Variants in RARB observed in about 807,000 individuals in gnomAD.
The protein encoded by RARB is HBV-activated protein.
A neutral mutation model predicts 51.9 loss-of-function variants in RARB; 17 were observed. That is an observed-to-expected ratio of 0.33 (90% CI 0.22 to 0.49). The LOEUF is 0.49. RARB is among the 20% of genes least tolerant of loss of function. The probability of loss-of-function intolerance (pLI) is 0.99; values close to 1 mark genes in which losing one functional copy is unlikely to be tolerated. For synonymous variants in RARB, 215 were observed against 195.4 expected, an observed-to-expected ratio of 1.10 and a Z score of -0.84; for missense variants, 369 against 550.8, an observed-to-expected ratio of 0.67 and a Z score of 3.30.
chr3:25,188,408 CA>C (rs1701024598), intron 5 of RARB, among the ~76,000 whole-genome samples: 1 of 152,064 alleles, frequency 6.6e-6, no homozygotes, highest in Non-Finnish European at 1.5e-5. Flanking sequence ...TCGGCTGAAC[CA>C]AATATCCTAG....
intron 5 of RARB, among the ~76,000 whole-genome samples, chr3:25,195,230 T>C (rs1451272080): frequency 1.3e-5 from 2 of 152,012 alleles, no homozygotes; most frequent in East Asian, 3.9e-4. Context: ...GATATCCATT[T>C]CTTGGGAGCC....
chr3:24,961,415 G>A (rs954788353), intron 2 of RARB, among the ~76,000 whole-genome samples: 1 of 152,170 alleles, frequency 6.6e-6, no homozygotes, highest in Non-Finnish European at 1.5e-5. Flanking sequence ...CAGCTTCATG[G>A]ATATGAACTG....
At chr3:25,514,904 TA>T (rs1221554850) in intron 3 of RARB, among the ~76,000 whole-genome samples, 2 of 152,226 alleles carry the variant, frequency 1.3e-5, no homozygotes, top group African/African-American at 2.4e-5. Flanking sequence ...AATGTTTGAG[TA>T]GTTTTAAACT....
intron 3 of RARB, among the ~76,000 whole-genome samples, chr3:25,065,783 G>C (rs977119506): frequency 6.6e-6 from 1 of 152,170 alleles, no homozygotes; most frequent in African/African-American, 2.4e-5. Flanking sequence ...ATGTCAAAGG[G>C]CTCACGCATA....
chr3:25,057,944 A>G (rs917521784), intron 2 of RARB, among the ~76,000 whole-genome samples: 5 of 152,020 alleles, frequency 3.3e-5, no homozygotes, highest in Admixed American at 1.3e-4. Flanking sequence ...CTTCTGAACA[A>G]TTATCATTGT....
chr3:24,880,114 T>C (rs1703130175), intron 2 of RARB, among the ~76,000 whole-genome samples: 1 of 152,196 alleles, frequency 6.6e-6, no homozygotes. Flanking sequence ...AATGCTTAAT[T>C]TTTAAAAGCA....
At chr3:25,536,521 G>A (rs1192605968) in intron 3 of RARB, among the ~76,000 whole-genome samples, 2 of 152,012 alleles carry the variant, frequency 1.3e-5, no homozygotes, top group East Asian at 3.9e-4. Flanking sequence ...CTTGAAGGAG[G>A]GTAAAATGTT....
intron 2 of RARB, among the ~76,000 whole-genome samples, chr3:25,058,369 A>T (rs1698482292): frequency 6.6e-6 from 1 of 151,884 alleles, no homozygotes; most frequent in Admixed American, 6.6e-5. Context: ...AAGGGTCTTT[A>T]TAGGTTAAAG....
chr3:24,949,547 G>A (rs2125404900), intron 2 of RARB, among the ~76,000 whole-genome samples: 1 of 152,272 alleles, frequency 6.6e-6, no homozygotes, highest in East Asian at 1.9e-4. Context: ...TGTTGCATTA[G>A]AAAATTTAAA....
intron 5 of RARB, among the ~76,000 whole-genome samples, chr3:25,195,471 G>T (rs965558637): frequency 2.0e-5 from 3 of 151,970 alleles, no homozygotes; most frequent in African/African-American, 7.2e-5. Context: ...AGCACGTGAC[G>T]TCAGCTTGGA....
At chr3:25,507,365 A>G (rs1272960578) in intron 3 of RARB, among the ~76,000 whole-genome samples, 2 of 152,180 alleles carry the variant, frequency 1.3e-5, no homozygotes, top group African/African-American at 4.8e-5. Context: ...TTCAAATCGC[A>G]GTCATTCGTT....
intron 5 of RARB, among the ~76,000 whole-genome samples, chr3:25,330,518 T>G (rs1334875103): frequency 1.3e-5 from 2 of 152,102 alleles, no homozygotes; most frequent in East Asian, 3.9e-4. Context: ...AAGGAAGCAC[T>G]AAACATGGAA....
chr3:25,042,323 T>C (rs1444325340), intron 2 of RARB, among the ~76,000 whole-genome samples: 1 of 152,230 alleles, frequency 6.6e-6, no homozygotes, highest in Non-Finnish European at 1.5e-5. Flanking sequence ...TCAGTGGTGT[T>C]ATTCAAGGCA....
chr3:24,940,634 G>A (rs1239914709), intron 2 of RARB, among the ~76,000 whole-genome samples: 1 of 152,054 alleles, frequency 6.6e-6, no homozygotes, highest in African/African-American at 2.4e-5. Context: ...ACCAAATTGA[G>A]TTCCTGTCCA....
chr3:25,182,074 A>G (rs1374209132), intron 5 of RARB, among the ~76,000 whole-genome samples: 2 of 152,218 alleles, frequency 1.3e-5, no homozygotes, highest in African/African-American at 2.4e-5. Flanking sequence ...TTGGAATTAC[A>G]TGTAGGTGTA....
At chr3:25,545,097 C>G (rs1288001665) in intron 3 of RARB, among the ~76,000 whole-genome samples, 1 of 152,002 alleles carries the variant, frequency 6.6e-6, no homozygotes, top group Non-Finnish European at 1.5e-5. Context: ...AAGTAGCCAC[C>G]ACACCCAGCT....
chr3:25,166,961 C>T (rs1700570532), intron 4 of RARB, among the ~76,000 whole-genome samples: 2 of 152,158 alleles, frequency 1.3e-5, no homozygotes, highest in Admixed American at 1.3e-4. Context: ...TTGACACATC[C>T]CCATGGCATG....
At chr3:24,955,754 G>A (rs1036410397) in intron 2 of RARB, among the ~76,000 whole-genome samples, 2 of 152,140 alleles carry the variant, frequency 1.3e-5, no homozygotes, top group Non-Finnish European at 2.9e-5. Context: ...AGTCATCAGG[G>A]AGAATAAATG....
Position 25,186,885 on chromosome 3 carries a change from CTGTGTGTGTGTGTGTG to C in RARB, c.178+12350_178+12365del, listed in dbSNP as rs71057702. On this transcript the variant is annotated intron_variant, in intron 5 of 11. Coordinates refer to the RARB transcript ENST00000383772. ...TGAAGACCCAAAGAAAAAGGTAAGC[CTGTGTGTGTGTGTGTG>C]TGTGTGTGTGTGTGTGTGTGTGTGT... Among the ~76,000 whole-genome samples the C allele has an allele frequency of 5.6e-4, 64 of 114,282 alleles. No individual in the cohort carries two copies. In the South Asian group the frequency reaches 0.011, roughly 19 times the overall value. 75.0% of individuals were successfully genotyped at this position (114,282 alleles called of 152,430 possible). A position where few individuals can be genotyped will look rare whatever the true frequency, so the allele number is the denominator to read the frequency against.
Sources: gnomAD v4.1 joint callset for allele counts (sites outside exome capture counted in the v4.1 genomes callset) on GRCh38, gnomAD v4.1.1 for gene constraint, MANE v1.5 for transcripts, NCBI Gene and HGNC (gene_info 2026-07-23, HGNC 2026-07-21) for gene names.